The following EYS variants were observed in gnomAD, a reference collection of about 807,000 sequenced individuals.
EYS encodes the protein EGF-like photoreceptor maintenance factor, also known as protein eyes shut homolog.
Under a neutral mutation model 282.1 loss-of-function variants are expected in EYS, and 250 were observed. The observed-to-expected ratio is 0.89, with a 90% CI of 0.80 to 0.98. The LOEUF is 0.98. Among genes scored for constraint, EYS ranks in the 50% least tolerant of loss-of-function variants. The pLI is 0.00. For missense variants in EYS, 4,016 were observed against 3,709.0 expected, an observed-to-expected ratio of 1.08 and a Z score of -2.15; for synonymous variants, 1,355 against 1,282.9, an observed-to-expected ratio of 1.06 and a Z score of -1.20.
At chr6:64,935,794 A>G (rs186106310) in intron 15 of EYS, among the ~76,000 whole-genome samples, 124 of 151,862 alleles carry the variant, frequency 8.2e-4, no homozygotes, top group African/African-American at 2.9e-3. Flanking sequence ...ACAATAAGCA[A>G]AGAGATTTAG....
intron 12 of EYS, among the ~76,000 whole-genome samples, chr6:65,108,864 A>T (rs1775122433): frequency 1.3e-5 from 2 of 152,060 alleles, no homozygotes; most frequent in African/African-American, 4.8e-5. Context: ...GCCTGAGATC[A>T]GTGTTTTTTT....
At chr6:64,707,513 C>A (rs1008079171) in intron 22 of EYS, among the ~76,000 whole-genome samples, 6 of 151,790 alleles carry the variant, frequency 4.0e-5, no homozygotes, top group African/African-American at 1.5e-4. Context: ...ACTAAGAATA[C>A]AAAAAATTAG....
chr6:64,910,910 A>C (rs1483622087), intron 16 of EYS, among the ~76,000 whole-genome samples: 2 of 152,060 alleles, frequency 1.3e-5, no homozygotes, highest in Non-Finnish European at 2.9e-5. Context: ...TCTCTGGTGA[A>C]AACAAAGGAA....
intron 12 of EYS, among the ~76,000 whole-genome samples, chr6:65,133,290 C>G (rs746229763): frequency 6.6e-6 from 1 of 151,572 alleles, no homozygotes; most frequent in African/African-American, 2.4e-5. Flanking sequence ...ACAAAAAAAG[C>G]AAACAACAAC....
intron 32 of EYS, among the ~76,000 whole-genome samples, chr6:64,080,878 A>G (rs925077124): frequency 2.6e-5 from 4 of 151,982 alleles, no homozygotes; most frequent in African/African-American, 9.7e-5. Context: ...GATATGCGGC[A>G]TTATTTCTGA....
intron 31 of EYS, among the ~76,000 whole-genome samples, chr6:64,170,960 C>T (rs562788804): frequency 1.3e-5 from 2 of 152,118 alleles, no homozygotes; most frequent in Non-Finnish European, 2.9e-5. Context: ...AGGCATTGTG[C>T]TTACTTTCTG....
chr6:64,896,702 T>C (rs982710902), intron 18 of EYS, among the ~76,000 whole-genome samples: 1 of 152,064 alleles, frequency 6.6e-6, no homozygotes, highest in Non-Finnish European at 1.5e-5. Context: ...ATCCACTGGC[T>C]TGAAATTCTC....
chr6:64,163,046 A>T (rs1485977658), intron 31 of EYS, among the ~76,000 whole-genome samples: 1 of 152,118 alleles, frequency 6.6e-6, no homozygotes, highest in African/African-American at 2.4e-5. Context: ...AGTTAAGGAG[A>T]TCTACTGTAA....
intron 13 of EYS, among the ~76,000 whole-genome samples, chr6:65,050,572 C>T (rs1187194822): frequency 4.0e-5 from 6 of 151,534 alleles, no homozygotes; most frequent in South Asian, 2.1e-4. Flanking sequence ...GACTTTAATA[C>T]ATTTCCAGAA....
intron 30 of EYS, among the ~76,000 whole-genome samples, chr6:64,244,732 C>T (rs9342187): frequency 0.32 from 48,299 of 152,092 alleles, 7,672 homozygotes; most frequent in East Asian, 0.51. Context: ...TAATTCTCTT[C>T]ACAGCTTTGT....
At chr6:64,807,187 T>C (rs915311513) in intron 22 of EYS, among the ~76,000 whole-genome samples, 5 of 152,174 alleles carry the variant, frequency 3.3e-5, no homozygotes, top group Admixed American at 3.3e-4. Context: ...ACTGCAAGAA[T>C]AGTCATGATA....
intron 12 of EYS, among the ~76,000 whole-genome samples, chr6:65,225,779 A>T (rs1014645380): frequency 6.6e-6 from 1 of 151,940 alleles, no homozygotes; most frequent in Non-Finnish European, 1.5e-5. Flanking sequence ...AAAGAGACCA[A>T]AAAACTACAT....
chr6:64,541,584 C>T (rs975597027), intron 26 of EYS, among the ~76,000 whole-genome samples: 1 of 151,868 alleles, frequency 6.6e-6, no homozygotes, highest in Non-Finnish European at 1.5e-5. Context: ...GTTTTCTATT[C>T]TTTCTTCACG....
At chr6:65,398,708 T>C (rs1766381763) in intron 7 of EYS, among the ~76,000 whole-genome samples, 1 of 152,094 alleles carries the variant, frequency 6.6e-6, no homozygotes, top group Non-Finnish European at 1.5e-5. Context: ...AATTTATATA[T>C]TTAGCCCGAT....
At chr6:63,804,160 G>A (rs1381231191) in intron 37 of EYS, among the ~76,000 whole-genome samples, 2 of 152,124 alleles carry the variant, frequency 1.3e-5, no homozygotes, top group African/African-American at 4.8e-5. Context: ...AGGATTACAG[G>A]TGTGCACCAC....
At chr6:65,249,727 A>G (rs1318529796) in intron 12 of EYS, among the ~76,000 whole-genome samples, 2 of 152,104 alleles carry the variant, frequency 1.3e-5, no homozygotes, top group Non-Finnish European at 2.9e-5. Context: ...TAAAGTACAT[A>G]TGCTGCTTCT....
intron 33 of EYS, among the ~76,000 whole-genome samples, chr6:64,047,181 TA>T (rs11399475): frequency 1.4e-4 from 21 of 149,410 alleles, no homozygotes; most frequent in East Asian, 5.9e-4. Flanking sequence ...GTCATTAGGT[TA>T]AAAAAAAAAC....
intron 30 of EYS, among the ~76,000 whole-genome samples, chr6:64,236,044 C>A (rs1766595457): frequency 6.6e-6 from 1 of 152,218 alleles, no homozygotes; most frequent in South Asian, 2.1e-4. Context: ...AGACCAATAT[C>A]CTTGATGAAC....
chr6:63,865,386 C>T (rs184415002), intron 35 of EYS, among the ~76,000 whole-genome samples: 1 of 152,212 alleles, frequency 6.6e-6, no homozygotes, highest in East Asian at 1.9e-4. Context: ...CAATATATTC[C>T]ACTGCTTTTA....
Sources: gnomAD v4.1 joint callset for allele counts (sites outside exome capture counted in the v4.1 genomes callset) on GRCh38, gnomAD v4.1.1 for gene constraint, MANE v1.5 for transcripts, NCBI Gene and HGNC (gene_info 2026-07-23, HGNC 2026-07-21) for gene names.